Variants in CDH23 observed in about 807,000 individuals in gnomAD.
CDH23 encodes cadherin related 23.
Under a neutral mutation model 317.1 loss-of-function variants are expected in CDH23, and 189 were observed. That is an observed-to-expected ratio of 0.60 (90% CI 0.53 to 0.67). CDH23 has a LOEUF of 0.67. CDH23 is among the 30% of genes least tolerant of loss of function. The pLI, the probability that CDH23 is intolerant of heterozygous loss-of-function variation, is 0.00. For missense variants in CDH23, 4,401 were observed against 4,592.4 expected (o/e 0.96, Z 1.20); for synonymous variants, 1,839 against 1,876.8 (o/e 0.98, Z 0.52).
intron 3 of CDH23, among the ~76,000 whole-genome samples, chr10:71,480,317 G>T (rs190883132): frequency 6.6e-6 from 1 of 152,242 alleles, no homozygotes; most frequent in Non-Finnish European, 1.5e-5. Flanking sequence ...TGGCCCTATC[G>T]TTTCTGCAGC....
intron 1 of CDH23, among the ~76,000 whole-genome samples, chr10:71,410,652 C>T (rs530986265): frequency 3.3e-5 from 5 of 152,280 alleles, no homozygotes; most frequent in African/African-American, 7.2e-5. Context: ...AGCCATTACC[C>T]GTCATCCTCT....
chr10:71,812,384 G>T, intron 66 of CDH23, 96 bp from the exon 67 acceptor site: 1 of 1,604,244 alleles, frequency 6.2e-7, no homozygotes. Flanking sequence ...GCACTATATG[G>T]CCAGGGAAAT....
At chr10:71,471,989 C>T (rs1370709555) in intron 3 of CDH23, among the ~76,000 whole-genome samples, 2 of 152,232 alleles carry the variant, frequency 1.3e-5, no homozygotes, top group Admixed American at 1.3e-4. Context: ...TTGTCCCCCA[C>T]ATCTACAGGT....
rs750364587 is a variant in CDH23, at chr10:71,704,977, C to T, written c.2800C>T (p.Pro934Ser). The T allele has an allele frequency of 5.0e-6, 8 of 1,612,856 alleles. No individual in the cohort carries two copies. Among genetic ancestry groups the T allele is most frequent in the Non-Finnish European group, 6.8e-6 (8 of 1,179,866 alleles). ...GTCCTACCGCATGCCGGTGGGCATG[C>T]CCCGCATGGACTTCCTCATCAACAG... Reference protein sequence around the residue: ...LVSYRMPVGMPRMDFLINSSS... With the variant: ...LVSYRMPVGMSRMDFLINSSS... The change falls in exon 25 of 70, where the codon CCC becomes TCC. Residue 934 changes from proline to serine, a missense_variant. This residue lies in a region of CDH23 where 3,068 missense variants were observed against 3,203.3 expected (regional missense o/e 0.96). Transcript: ENST00000224721.
intron 45 of CDH23, 117 bp downstream of exon 45, chr10:71,789,159 C>T (rs1195696455): frequency 6.5e-6 from 4 of 616,008 alleles, no homozygotes; most frequent in African/African-American, 1.8e-5. Context: ...CCAGTGGGTG[C>T]GGGAGGGGAA....
chr10:71,566,596 T>C (rs959403491), intron 6 of CDH23, 146 bp from the exon 7 acceptor site: 4 of 610,972 alleles, frequency 6.5e-6, no homozygotes, highest in Non-Finnish European at 7.6e-6. Flanking sequence ...ATTTTAAATT[T>C]TGGGGCCCCT....
chr10:71,403,326 C>CCTTCCTTTCTTT (rs1315167195), intron 1 of CDH23, among the ~76,000 whole-genome samples: 3 of 60,746 alleles, frequency 4.9e-5, no homozygotes, highest in East Asian at 5.1e-4. Flanking sequence ...TTCCTTCCTT[C>CCTTCCTTTCTTT]CTTTCTTTCT....
chr10:71,571,670 G>A (rs955476771), intron 8 of CDH23, among the ~76,000 whole-genome samples: 2 of 152,220 alleles, frequency 1.3e-5, no homozygotes, highest in South Asian at 2.1e-4. Flanking sequence ...ATGCAACACC[G>A]GCTGTGGGTG....
chr10:71,632,206 C>T (rs1426822699), intron 11 of CDH23, among the ~76,000 whole-genome samples: 2 of 152,178 alleles, frequency 1.3e-5, no homozygotes, highest in Admixed American at 6.5e-5. Flanking sequence ...GTGAGAGGCA[C>T]CAGCATGAGC....
chr10:71,407,106 G>C (rs1481533628), intron 1 of CDH23, among the ~76,000 whole-genome samples: 1 of 152,200 alleles, frequency 6.6e-6, no homozygotes, highest in Non-Finnish European at 1.5e-5. Context: ...GCTTGCAGGC[G>C]GTGAGGCAGA....
chr10:71,782,062 C>T (rs1252764031), intron 41 of CDH23, among the ~76,000 whole-genome samples: 1 of 152,198 alleles, frequency 6.6e-6, no homozygotes, highest in Non-Finnish European at 1.5e-5. Context: ...GTCACCTTCC[C>T]AACACTGCAG....
chr10:71,467,849 G>A (rs1397262135), intron 3 of CDH23, among the ~76,000 whole-genome samples: 1 of 152,142 alleles, frequency 6.6e-6, no homozygotes, highest in Non-Finnish European at 1.5e-5. Flanking sequence ...TTCAAGTTAA[G>A]GCAAAGCTAG....
chr10:71,681,324 A>G (rs1864639734), intron 17 of CDH23, among the ~76,000 whole-genome samples: 1 of 152,110 alleles, frequency 6.6e-6, no homozygotes, highest in African/African-American at 2.4e-5. Flanking sequence ...TCCCAAGCCA[A>G]TATACCTTCC....
chr10:71,717,556 T>C (rs1305528388), intron 28 of CDH23: 1 of 152,288 alleles, frequency 6.6e-6, no homozygotes, highest in East Asian at 1.9e-4. Flanking sequence ...GCTGAGCTTT[T>C]GGCTCAATAT....
chr10:71,703,355 G>C (rs753311706), intron 24 of CDH23, among the ~76,000 whole-genome samples: 2 of 152,188 alleles, frequency 1.3e-5, no homozygotes, highest in African/African-American at 2.4e-5. Context: ...TCCAACCAAC[G>C]GGGATGTGAA....
chr10:71,627,031 G>A (rs547418967), intron 11 of CDH23, among the ~76,000 whole-genome samples: 3 of 152,132 alleles, frequency 2.0e-5, no homozygotes, highest in Admixed American at 6.5e-5. Context: ...AGGTTCTCTG[G>A]TGACTCTGAC....
chr10:71,677,268 C>T (rs889835287), intron 15 of CDH23, among the ~76,000 whole-genome samples, 188 bp from the exon 16 acceptor site: 3 of 151,970 alleles, frequency 2.0e-5, no homozygotes, highest in Non-Finnish European at 2.9e-5. Flanking sequence ...TCCTGATCCC[C>T]GCCACCCACC....
intron 6 of CDH23, among the ~76,000 whole-genome samples, chr10:71,544,796 C>T (rs981129711): frequency 3.3e-5 from 5 of 152,218 alleles, no homozygotes; most frequent in African/African-American, 1.2e-4. Flanking sequence ...CTAACTCTCC[C>T]CACCTTCAAA....
chr10:71,672,029 C>G (rs1864168809), intron 14 of CDH23, among the ~76,000 whole-genome samples: 1 of 152,108 alleles, frequency 6.6e-6, no homozygotes, highest in African/African-American at 2.4e-5. Context: ...CCACGCTGCC[C>G]TCTGGGAGCC....
Sources: gnomAD v4.1 joint callset for allele counts (sites outside exome capture counted in the v4.1 genomes callset) on GRCh38, gnomAD v4.1.1 for gene constraint, gnomAD v4.1.1 regional missense constraint, MANE v1.5 for transcripts, NCBI Gene and HGNC (gene_info 2026-07-23, HGNC 2026-07-21) for gene names.